EPHA10: variants seen among roughly 807,000 people sequenced by gnomAD.
EPHA10 encodes the protein EPH receptor A10.
EPHA10 carries 120 observed loss-of-function variants against 109.7 expected under a neutral mutation model. That is an observed-to-expected ratio of 1.09 (90% CI 0.94 to 1.27). EPHA10 has a LOEUF of 1.27. EPHA10 is among the 50% of genes most tolerant of loss of function. The pLI is 0.00. For missense variants in EPHA10, 1,396 were observed against 1,411.1 expected (o/e 0.99, Z 0.17); for synonymous variants, 640 against 618.9 (o/e 1.03, Z -0.51).
chr1:37,744,331 G>C (rs1267817838), intron 5 of EPHA10, among the ~76,000 whole-genome samples: 2 of 150,552 alleles, frequency 1.3e-5, no homozygotes, highest in Non-Finnish European at 3.0e-5. Context: ...GGCCAACATG[G>C]TAAAACTGTC....
chr1:37,722,878 T>G, intron 10 of EPHA10, 163 bp downstream of exon 10: 1 of 1,037,332 alleles, frequency 9.6e-7, no homozygotes, highest in Non-Finnish European at 1.5e-6. Context: ...AGGGACTTTC[T>G]GGGTGGAGGG....
rs1645689011 is a variant in EPHA10 at position 37,716,194 on chromosome 1, G to A, written c.*2178C>T. The A allele has an allele frequency of 2.8e-6, 1 of 355,688 alleles. No individual in the cohort carries two copies. Among genetic ancestry groups the A allele is most frequent in the Non-Finnish European group, 5.3e-6 (1 of 190,150 alleles). 22.0% of individuals were successfully genotyped at this position (355,688 alleles called of 1,614,324 possible). On this transcript the variant is annotated 3_prime_UTR_variant, in exon 17 of 17. Transcript: ENST00000373048. The stretch of plus-strand genomic sequence containing the variant: ...ATCGCCCCACATCACATCTGTGCAG[G>A]GCTGAGGCCTGGGACCCAACAGGAT...
At chr1:37,745,347 G>A (rs1212456451) in intron 5 of EPHA10, among the ~76,000 whole-genome samples, 2 of 152,200 alleles carry the variant, frequency 1.3e-5, no homozygotes, top group East Asian at 3.8e-4. Context: ...CCTCACATCT[G>A]CTAGGATGGC....
chr1:37,719,093 T>C (rs1645741747), intron 15 of EPHA10: 7 of 593,496 alleles, frequency 1.2e-5, no homozygotes, highest in South Asian at 6.2e-5. Context: ...GTGACTCATA[T>C]TGGGAACAAC....
chr1:37,764,571 C>G lies in EPHA10; in HGVS notation c.106+390G>C, dbSNP rs564478558. Reference sequence around the variant, plus strand: ...ACTGTGGTCTCCTAGCCCCTGTAGTCCGGGCTCCATCCCGTCTCCCCATAT... The same window carrying G: ...ACTGTGGTCTCCTAGCCCCTGTAGTGCGGGCTCCATCCCGTCTCCCCATAT... On this transcript the variant is annotated intron_variant, in intron 1 of 16. Transcript: ENST00000373048. The surrounding 1 kb of genome is among the most constrained non-coding windows in gnomAD (Gnocchi z 5.8). Among the ~76,000 whole-genome samples, 185 of 152,236 alleles carry G rather than the reference C, an allele frequency of 1.2e-3. 1 individual carries two copies. The highest frequency in any genetic ancestry group is 2.0e-3 in the Non-Finnish European group (137 of 68,000).
chr1:37,749,317 G>T (rs891474935), intron 5 of EPHA10, among the ~76,000 whole-genome samples: 3 of 151,920 alleles, frequency 2.0e-5, no homozygotes, highest in African/African-American at 7.3e-5. Flanking sequence ...TTGAGAAAAT[G>T]GAAATAGAAG....
At chr1:37,762,585 CTT>C (rs34513765) in intron 2 of EPHA10, among the ~76,000 whole-genome samples, 198 bp downstream of exon 2, 2,085 of 141,526 alleles carry the variant, frequency 0.015, 34 homozygotes, top group African/African-American at 0.051. Context: ...CACTTATTCA[CTT>C]TTTTTTTTTT....
chr1:37,722,376 T>A (rs1056683974), intron 10 of EPHA10: 3 of 228,092 alleles, frequency 1.3e-5, no homozygotes, highest in Non-Finnish European at 2.7e-5. Context: ...GACAATGACA[T>A]CTATTCTTCC....
At chr1:37,737,676 A>G (rs944423766) in intron 5 of EPHA10, among the ~76,000 whole-genome samples, 1 of 152,228 alleles carries the variant, frequency 6.6e-6, no homozygotes, top group Non-Finnish European at 1.5e-5. Flanking sequence ...AACACAGGGG[A>G]AAAGATTCAT....
Position 37,754,378 on chromosome 1 carries a change from GCAT to G in EPHA10, c.851-11_851-9del. On this transcript the variant is annotated splice_polypyrimidine_tract_variant and intron_variant, in intron 3 of 16. Transcript: ENST00000373048. This position sits in a 1 kb window ranked among gnomAD's most constrained non-coding sequence, Gnocchi z 4.5. ...AAAACCCTGGGGGACAGGCTGCAGG[GCAT>G]GGCTGGTGAGAAGAGGGGGCTCCTC... is the stretch of plus-strand genomic sequence containing the variant. 2.3e-6 allele frequency: 3 copies of G among 1,296,386 alleles called. No homozygotes were observed. The highest frequency in any genetic ancestry group is 3.0e-6 in the Non-Finnish European group (3 of 1,016,936). 80.3% of individuals were successfully genotyped at this position (1,296,386 alleles called of 1,614,324 possible).
chr1:37,753,010 C>A lies in EPHA10; in HGVS notation c.1223G>T (p.Arg408Leu), dbSNP rs981853448. 9 of 1,228,600 alleles carry A rather than the reference C, an allele frequency of 7.3e-6. No individual in the cohort carries two copies. Among genetic ancestry groups the A allele is most frequent in the African/African-American group, 3.2e-5 (2 of 62,716 alleles). 76.1% of individuals were successfully genotyped at this position (1,228,600 alleles called of 1,614,324 possible). A position where few individuals can be genotyped will look rare whatever the true frequency, so the allele number is the denominator to read the frequency against. The change falls in exon 5 of 17, where the codon CGA (arginine) becomes CTA (leucine). Residue 408 changes from arginine to leucine, a missense_variant. Physicochemically the swap from Arg to Leu is moderately radical, Grantham distance 102 (BLOSUM62 -2). Transcript: ENST00000373048. The part of the protein sequence containing the change: ...FLPRQAGLRE[R>L]AATLLHLRPG... ...CCGCAGGTGCAGCAGCGTGGCGGCT[C>A]GCTCCCGCAGCCCTGCCTGGCGCGG...
At chr1:37,762,486 G>A (rs1646442219) in intron 2 of EPHA10, among the ~76,000 whole-genome samples, 1 of 152,100 alleles carries the variant, frequency 6.6e-6, no homozygotes. Context: ...AACATTGCTT[G>A]GAGGATCTAC....
At position 37,716,895 on chromosome 1, in the gene EPHA10, G is replaced by A; in HGVS notation, c.*1477C>T. The A allele has an allele frequency of 4.3e-6, 1 of 233,032 alleles. No homozygotes were observed. The highest frequency in any genetic ancestry group is 8.5e-6 in the Non-Finnish European group (1 of 117,926). The allele number at this position is 233,032 out of a possible 1,614,324, so 14.4% of individuals were successfully genotyped here. ...CACTGACCCAGAGGGCTCCTGGGGGGCCCTGGGCACTGTGGATGGTGCCCT... is the reference window on the plus strand; with the variant it reads ...CACTGACCCAGAGGGCTCCTGGGGGACCCTGGGCACTGTGGATGGTGCCCT... On this transcript the variant is annotated 3_prime_UTR_variant, in exon 17 of 17. Coordinates refer to ENST00000373048, the MANE Select transcript of EPHA10 (RefSeq NM_001099439.2).
At chr1:37,745,639 A>AG (rs1646229136) in intron 5 of EPHA10, among the ~76,000 whole-genome samples, 4 of 152,184 alleles carry the variant, frequency 2.6e-5, no homozygotes, top group Non-Finnish European at 4.4e-5. Context: ...ACCTGAGGCC[A>AG]GGAGTTTGAA....
chr1:37,727,376 G>T (rs1343389245), intron 7 of EPHA10, among the ~76,000 whole-genome samples, 166 bp from the exon 8 acceptor site: 2 of 152,210 alleles, frequency 1.3e-5, no homozygotes, highest in Non-Finnish European at 2.9e-5. Flanking sequence ...GACCACAGTG[G>T]CACCTGGAGT....
At chr1:37,747,668 T>A (rs1646261386) in intron 5 of EPHA10, among the ~76,000 whole-genome samples, 1 of 151,906 alleles carries the variant, frequency 6.6e-6, no homozygotes, top group Non-Finnish European at 1.5e-5. Flanking sequence ...CTTGGGAGGC[T>A]GAGGCAGCAG....
At chr1:37,743,895 T>C (rs1275725965) in intron 5 of EPHA10, among the ~76,000 whole-genome samples, 1 of 128,958 alleles carries the variant, frequency 7.8e-6, no homozygotes, top group African/African-American at 3.0e-5. Flanking sequence ...TATATATAGA[T>C]AGATATAGAT....
intron 8 of EPHA10, among the ~76,000 whole-genome samples, chr1:37,726,222 C>T (rs866801214): frequency 3.3e-4 from 51 of 152,354 alleles, no homozygotes; most frequent in Middle Eastern, 3.4e-3. Flanking sequence ...AGCACATGGA[C>T]CCTTCATGCT....
At chr1:37,718,979 C>T (rs781165137) in intron 15 of EPHA10, 163 bp from the exon 16 acceptor site, 4 of 927,090 alleles carry the variant, frequency 4.3e-6, no homozygotes, top group African/African-American at 1.7e-5. Context: ...CGTGAAGAAG[C>T]GAGGGCTTCA....
Sources: allele counts gnomAD v4.1 joint callset (sites outside exome capture counted in the v4.1 genomes callset), GRCh38; gene constraint gnomAD v4.1.1; non-coding constraint Gnocchi (gnomAD v3.1); transcripts MANE v1.5; gene names NCBI Gene and HGNC (gene_info 2026-07-23, HGNC 2026-07-21).